The following COL25A1 variants were observed in gnomAD, a reference collection of about 807,000 sequenced individuals.
COL25A1 encodes the protein collagen alpha-1(XXV) chain.
Under a neutral mutation model 128.4 loss-of-function variants are expected in COL25A1, and 103 were observed. That is an observed-to-expected ratio of 0.80 (90% CI 0.68 to 0.94). The LOEUF is 0.94. Ranked by LOEUF, COL25A1 falls within the 40% of genes least tolerant of loss-of-function variation. The pLI is 0.00. For missense variants in COL25A1, 745 were observed against 840.0 expected (o/e 0.89, Z 1.40); for synonymous variants, 279 against 277.2 (o/e 1.01, Z -0.06).
At chr4:109,044,478 T>C (rs1760231156) in intron 5 of COL25A1, among the ~76,000 whole-genome samples, 1 of 152,102 alleles carries the variant, frequency 6.6e-6, no homozygotes, top group African/African-American at 2.4e-5. Context: ...AGTTTGTTTG[T>C]TTTACTGAGT....
intron 3 of COL25A1, among the ~76,000 whole-genome samples, chr4:109,196,274 GCA>G (rs1281311668): frequency 6.6e-6 from 1 of 152,072 alleles, no homozygotes; most frequent in Non-Finnish European, 1.5e-5. Flanking sequence ...ACAGATTTGT[GCA>G]CAGTTTGGAT....
chr4:109,290,818 G>C (rs956730466), intron 3 of COL25A1, among the ~76,000 whole-genome samples: 2 of 152,060 alleles, frequency 1.3e-5, no homozygotes, highest in Non-Finnish European at 2.9e-5. Flanking sequence ...ATTTGTGTTG[G>C]ACTACATTCA....
intron 6 of COL25A1, among the ~76,000 whole-genome samples, chr4:108,994,417 T>C (rs1364848414): frequency 3.3e-5 from 5 of 152,178 alleles, no homozygotes; most frequent in Non-Finnish European, 7.3e-5. Flanking sequence ...GCGTCCACCA[T>C]TGCTGAGGCT....
chr4:109,261,260 T>C (rs1781425939), intron 3 of COL25A1, among the ~76,000 whole-genome samples: 2 of 152,176 alleles, frequency 1.3e-5, no homozygotes, highest in Admixed American at 1.3e-4. Flanking sequence ...CAGTAGCCCA[T>C]GCCTGTAATC....
intron 6 of COL25A1, among the ~76,000 whole-genome samples, chr4:108,991,183 G>A (rs1268569417): frequency 6.6e-6 from 1 of 152,128 alleles, no homozygotes; most frequent in Non-Finnish European, 1.5e-5. Context: ...TTCATGAAAT[G>A]CTACGTGTTA....
intron 13 of COL25A1, among the ~76,000 whole-genome samples, chr4:108,903,439 T>A (rs1034063535): frequency 2.0e-5 from 3 of 152,058 alleles, no homozygotes; most frequent in African/African-American, 7.2e-5. Context: ...AACACTGTCT[T>A]GTGAATAGTT....
intron 8 of COL25A1, among the ~76,000 whole-genome samples, chr4:108,949,110 G>C (rs1749107286): frequency 6.6e-6 from 1 of 151,886 alleles, no homozygotes; most frequent in Non-Finnish European, 1.5e-5. Context: ...CAGAATATAG[G>C]GAAGAAAAAT....
Position 108,838,339 on chromosome 4 carries a change from T to C in COL25A1, c.1656+3356A>G, listed in dbSNP as rs568013658. Reference sequence around the variant, plus strand: ...GAAACATTAATTTTTAAAGTTAAAATAGTTACTAAACTGACATCAACAATT... The same window carrying C: ...GAAACATTAATTTTTAAAGTTAAAACAGTTACTAAACTGACATCAACAATT... On this transcript the variant is annotated intron_variant, in intron 31 of 37. Transcript: ENST00000399132. Among the ~76,000 whole-genome samples, 13 of 152,320 alleles carry C rather than the reference T, an allele frequency of 8.5e-5. No individual in the cohort carries two copies. The South Asian group carries it at 2.7e-3, about 32-fold the overall frequency.
intron 3 of COL25A1, among the ~76,000 whole-genome samples, chr4:109,055,573 T>C (rs1171662322): frequency 6.6e-6 from 1 of 152,172 alleles, no homozygotes; most frequent in Non-Finnish European, 1.5e-5. Context: ...AGTGCGAACT[T>C]TCCAAAGTAC....
chr4:108,854,041 C>T (rs571516231), intron 24 of COL25A1: 105 of 152,124 alleles, frequency 6.9e-4, no homozygotes, highest in African/African-American at 2.3e-3. Context: ...TGGAACAGAA[C>T]AGAGGCCTCA....
intron 19 of COL25A1, among the ~76,000 whole-genome samples, chr4:108,876,543 C>T (rs1739480859): frequency 6.6e-6 from 1 of 152,042 alleles, no homozygotes; most frequent in Admixed American, 6.6e-5. Context: ...TTATCTAACC[C>T]TTAAAATCAG....
chr4:109,136,499 A>G (rs1395753842), intron 3 of COL25A1, among the ~76,000 whole-genome samples: 1 of 152,254 alleles, frequency 6.6e-6, no homozygotes, highest in Non-Finnish European at 1.5e-5. Context: ...GGGATTAGTC[A>G]GGAAATGCAT....
intron 3 of COL25A1, among the ~76,000 whole-genome samples, chr4:109,297,861 T>A (rs1192352836): frequency 2.8e-5 from 3 of 107,056 alleles, no homozygotes; most frequent in African/African-American, 1.2e-4. Context: ...TTTTTCCTTT[T>A]CTTTTTTTTT....
At chr4:109,226,876 A>G (rs1236069011) in intron 3 of COL25A1, among the ~76,000 whole-genome samples, 1 of 152,196 alleles carries the variant, frequency 6.6e-6, no homozygotes, top group Non-Finnish European at 1.5e-5. Context: ...ACTCAGGTAT[A>G]GTAACAATAG....
intron 3 of COL25A1, among the ~76,000 whole-genome samples, chr4:109,106,215 G>C (rs899257809): frequency 6.6e-6 from 1 of 152,004 alleles, no homozygotes; most frequent in African/African-American, 2.4e-5. Flanking sequence ...TCCTACAGTA[G>C]GCTATTGTGA....
chr4:109,183,668 A>G (rs1774874824), intron 3 of COL25A1, among the ~76,000 whole-genome samples: 1 of 152,162 alleles, frequency 6.6e-6, no homozygotes, highest in Non-Finnish European at 1.5e-5. Context: ...TTAATGTGAA[A>G]AAATGCTACC....
At chr4:109,068,671 C>A (rs1481506257) in intron 3 of COL25A1, among the ~76,000 whole-genome samples, 1 of 152,144 alleles carries the variant, frequency 6.6e-6, no homozygotes, top group Admixed American at 6.5e-5. Context: ...TCTATCACCA[C>A]TAAATATGTG....
intron 3 of COL25A1, among the ~76,000 whole-genome samples, chr4:109,299,605 C>T (rs1009591760): frequency 4.6e-5 from 7 of 152,130 alleles, no homozygotes; most frequent in African/African-American, 1.7e-4. Context: ...CTTGCCTTTT[C>T]ATATATAAGC....
At chr4:109,106,515 A>G (rs1766444674) in intron 3 of COL25A1, among the ~76,000 whole-genome samples, 2 of 152,270 alleles carry the variant, frequency 1.3e-5, no homozygotes, top group East Asian at 3.9e-4. Context: ...GCTACCTTAC[A>G]GGATTATTCA....
Sources: allele counts gnomAD v4.1 joint callset (sites outside exome capture counted in the v4.1 genomes callset), GRCh38; gene constraint gnomAD v4.1.1; transcripts MANE v1.5; gene names NCBI Gene and HGNC (gene_info 2026-07-23, HGNC 2026-07-21).